PCDHGA9: variants seen among roughly 807,000 people sequenced by gnomAD.
PCDHGA9 encodes protocadherin gamma subfamily A, 9.
Under a neutral mutation model 62.5 loss-of-function variants are expected in PCDHGA9, and 37 were observed. The observed-to-expected ratio is 0.59, with a 90% CI of 0.46 to 0.78. The LOEUF is 0.78. Ranked by LOEUF, PCDHGA9 falls within the 30% of genes least tolerant of loss-of-function variation. The pLI, the probability that PCDHGA9 is intolerant of heterozygous loss-of-function variation, is 0.00. For missense variants in PCDHGA9, 1,138 were observed against 1,166.2 expected (o/e 0.98, Z 0.35); for synonymous variants, 459 against 484.6 (o/e 0.95, Z 0.69).
intron 1 of PCDHGA9, among the ~76,000 whole-genome samples, chr5:141,449,290 G>A (rs1255760925): frequency 1.3e-5 from 2 of 151,934 alleles, no homozygotes; most frequent in Admixed American, 6.6e-5. Context: ...CGGATGCACC[G>A]GGTGAATTAT....
intron 1 of PCDHGA9, chr5:141,428,335 T>G (rs535486665): frequency 3.3e-6 from 2 of 615,106 alleles, no homozygotes; most frequent in East Asian, 5.9e-5. Context: ...TTCTATGCTC[T>G]TCTTCCTCGC....
At chr5:141,488,259 C>T (rs1594750656) in intron 1 of PCDHGA9, among the ~76,000 whole-genome samples, 1 of 152,144 alleles carries the variant, frequency 6.6e-6, no homozygotes, top group African/African-American at 2.4e-5. Context: ...AAGGTTGGGG[C>T]GGGTTGGTCA....
At chr5:141,482,235 T>C (rs2099554999) in intron 1 of PCDHGA9, among the ~76,000 whole-genome samples, 1 of 152,174 alleles carries the variant, frequency 6.6e-6, no homozygotes, top group Non-Finnish European at 1.5e-5. Context: ...AAATTGCCAA[T>C]ATAAGTATAG....
chr5:141,407,497 G>GTTTTTTTTTTTTTTTTTTTTTTTTTT (rs1554102286), intron 1 of PCDHGA9, among the ~76,000 whole-genome samples: 1 of 152,086 alleles, frequency 6.6e-6, no homozygotes, highest in African/African-American at 2.4e-5. Context: ...CTTTATTTCT[G>GTTTTTTTTTTTTTTTTTTTTTTTTTT]TTTTTCTTAG....
At chr5:141,483,907 C>A (rs545585133) in intron 1 of PCDHGA9, among the ~76,000 whole-genome samples, 1 of 151,240 alleles carries the variant, frequency 6.6e-6, no homozygotes, top group East Asian at 1.9e-4. Context: ...TGGTGTGTTT[C>A]CCACTCAGAT....
chr5:141,417,507 A>G (rs573832786), intron 1 of PCDHGA9: 1 of 234,942 alleles, frequency 4.3e-6, no homozygotes, highest in Non-Finnish European at 8.1e-6. Context: ...AAAGATTAAA[A>G]TATTTTGGCT....
intron 1 of PCDHGA9, chr5:141,408,692 A>C: frequency 6.2e-7 from 1 of 1,613,906 alleles, no homozygotes; most frequent in Non-Finnish European, 8.5e-7. Context: ...TGATATAAAC[A>C]TAAACTCAAT....
intron 1 of PCDHGA9, chr5:141,420,154 T>C (rs2096470856): frequency 2.5e-6 from 4 of 1,613,948 alleles, no homozygotes; most frequent in Non-Finnish European, 2.5e-6. Flanking sequence ...ATCCAGAATT[T>C]AATTTTTTCA....
intron 1 of PCDHGA9, chr5:141,422,289 T>A: frequency 1.3e-6 from 2 of 1,553,678 alleles, no homozygotes; most frequent in Non-Finnish European, 1.7e-6. Context: ...CCTCTTCTAT[T>A]AATTCAATTC....
chr5:141,474,557 G>A (rs1261720500), intron 1 of PCDHGA9, among the ~76,000 whole-genome samples: 1 of 152,184 alleles, frequency 6.6e-6, no homozygotes, highest in African/African-American at 2.4e-5. Context: ...AAAACTGGGG[G>A]TTTTCAGAGA....
At chr5:141,410,576 C>A (rs533810160) in intron 1 of PCDHGA9, 1 of 1,611,270 alleles carries the variant, frequency 6.2e-7, no homozygotes, top group African/African-American at 1.3e-5. Flanking sequence ...AATTCCACCT[C>A]ATGGTGGGGA....
In PCDHGA9 at chr5:141,431,221, A is replaced by T; in HGVS notation, c.2424+25845A>T. 6.2e-7 allele frequency: 1 copy of T among 1,614,124 alleles called. No homozygotes were observed. The highest frequency in any genetic ancestry group is 8.5e-7 in the Non-Finnish European group (1 of 1,180,026). On this transcript the variant is annotated intron_variant, in intron 1 of 3. Transcript: ENST00000573521. The surrounding 1 kb of genome is among the most constrained non-coding windows in gnomAD (Gnocchi z 4.8). Reference sequence around the variant, plus strand: ...CAGCCACTGAGATGCGGTTCCCTCTACCCCACGCCTGGGATCCGGATATCG... The same window carrying T: ...CAGCCACTGAGATGCGGTTCCCTCTTCCCCACGCCTGGGATCCGGATATCG...
In PCDHGA9 at chr5:141,476,299, C is replaced by T; in HGVS notation, c.2425-18508C>T. ...ACCTTGGTTTGGATCTCGGTAGCCT[C>T]TCAGCCCGCAGGTTCCGGGTGGTGT... On this transcript the variant is annotated intron_variant, in intron 1 of 3. Transcript: ENST00000573521. The surrounding 1 kb of genome is among the most constrained non-coding windows in gnomAD (Gnocchi z 7.6). The T allele has an allele frequency of 6.2e-7, 1 of 1,614,100 alleles. No individual in the cohort carries two copies. The highest frequency in any genetic ancestry group is 1.1e-5 in the South Asian group (1 of 91,074).
chr5:141,415,277 T>A lies in PCDHGA9; in HGVS notation c.2424+9901T>A, dbSNP rs533281226. 42 of 1,614,216 alleles carry A rather than the reference T, an allele frequency of 2.6e-5. No individual in the cohort carries two copies. In the South Asian group the frequency reaches 4.4e-4, roughly 17 times the overall value. On this transcript the variant is annotated intron_variant, in intron 1 of 3. Coordinates refer to ENST00000573521, the MANE Select transcript of PCDHGA9 (RefSeq NM_018921.3). Reference sequence around the variant, plus strand: ...CTCACTCTGTACCTGGTGGTAGCGGTGGCCGCGGTCTCCTGCGTCTTCCTG... The same window carrying A: ...CTCACTCTGTACCTGGTGGTAGCGGAGGCCGCGGTCTCCTGCGTCTTCCTG...
Position 141,403,581 on chromosome 5 carries a change from T to C in PCDHGA9, c.629T>C (p.Leu210Pro), listed in dbSNP as rs2094427540. 8 of 1,613,936 alleles carry C rather than the reference T, an allele frequency of 5.0e-6. No homozygotes were observed. The highest frequency in any genetic ancestry group is 6.8e-6 in the Non-Finnish European group (8 of 1,179,892). Residue 210 changes from leucine to proline, a missense_variant, in exon 1 of 4, where the codon CTG becomes CCG. By Grantham distance (98) the Leu-to-Pro change is moderately conservative. Transcript: ENST00000573521. Reference protein sequence around the residue: ...LDREEATAHHLVLTASDGGEP... With the variant: ...LDREEATAHHPVLTASDGGEP... ...AGGGAGGAGGCAACTGCCCACCACC[T>C]GGTCCTCACGGCCTCGGATGGCGGC... is the stretch of plus-strand genomic sequence containing the variant.
chr5:141,421,379 A>G, intron 1 of PCDHGA9: 1 of 1,614,054 alleles, frequency 6.2e-7, no homozygotes, highest in Non-Finnish European at 8.5e-7. Flanking sequence ...AATATCTCCA[A>G]GGACCTGGGG....
chr5:141,491,353 T>A lies in PCDHGA9; in HGVS notation c.2425-3454T>A. On this transcript the variant is annotated intron_variant, in intron 1 of 3. Coordinates refer to ENST00000573521, the MANE Select transcript of PCDHGA9 (RefSeq NM_018921.3). This position sits in a 1 kb window ranked among gnomAD's most constrained non-coding sequence, Gnocchi z 6.9. ...GGCTCTAGCGACCGTCAGTCTCTTATCCCTAGTCACCTTCACCTTTCTGTC... is the reference window on the plus strand; with the variant it reads ...GGCTCTAGCGACCGTCAGTCTCTTAACCCTAGTCACCTTCACCTTTCTGTC... The A allele has an allele frequency of 6.2e-7, 1 of 1,614,160 alleles. No homozygotes were observed. Among genetic ancestry groups the A allele is most frequent in the South Asian group, 1.1e-5 (1 of 91,080 alleles).
chr5:141,405,271 C>T lies in PCDHGA9; in HGVS notation c.2319C>T (p.Pro773=). 5 of 1,614,094 alleles carry T rather than the reference C, an allele frequency of 3.1e-6. No homozygotes were observed. The highest frequency in any genetic ancestry group is 4.2e-6 in the Non-Finnish European group (5 of 1,180,022). The change falls in exon 1 of 4, where the codon CCC becomes CCT. Residue 773 remains proline, a synonymous_variant. Coordinates refer to ENST00000573521, the MANE Select transcript of PCDHGA9 (RefSeq NM_018921.3). The stretch of plus-strand genomic sequence containing the variant: ...AGAGTCACCTGATCTTCCCCCAGCC[C>T]AACTATGCAGACACACTCATCAGCC... The part of the protein sequence containing the change: ...SRKSHLIFPQ[P]NYADTLISQQ...
chr5:141,420,313 C>A, intron 1 of PCDHGA9: 1 of 1,434,874 alleles, frequency 7.0e-7, no homozygotes, highest in Non-Finnish European at 9.4e-7. Flanking sequence ...TTTTATATTA[C>A]AATATGCCAA....
Sources: gnomAD v4.1 joint callset for allele counts (sites outside exome capture counted in the v4.1 genomes callset) on GRCh38, gnomAD v4.1.1 for gene constraint, Gnocchi (gnomAD v3.1) non-coding constraint, MANE v1.5 for transcripts, NCBI Gene and HGNC (gene_info 2026-07-23, HGNC 2026-07-21) for gene names.